The following PLCB1 variants were observed in gnomAD, a reference collection of about 807,000 sequenced individuals.
The protein encoded by PLCB1 is 1-phosphatidylinositol 4,5-bisphosphate phosphodiesterase beta-1.
Under a neutral mutation model 161.8 loss-of-function variants are expected in PLCB1, and 46 were observed. The ratio of observed to expected loss-of-function variants is 0.28; its 90% CI spans 0.22 to 0.36. The LOEUF is 0.36. Ranked by LOEUF, PLCB1 falls within the 10% of genes least tolerant of loss-of-function variation. The pLI, the probability that PLCB1 is intolerant of heterozygous loss-of-function variation, is 1.00. For missense variants in PLCB1, 1,016 were observed against 1,472.5 expected (o/e 0.69, Z 5.07); for synonymous variants, 517 against 503.7 (o/e 1.03, Z -0.35).
At chr20:8,547,952 T>G (rs1482682130) in intron 3 of PLCB1, among the ~76,000 whole-genome samples, 1 of 152,092 alleles carries the variant, frequency 6.6e-6, no homozygotes, top group African/African-American at 2.4e-5. Context: ...ATGCTTCTCT[T>G]CTCCCATCTC....
chr20:8,838,768 C>G (rs951733107), intron 31 of PLCB1, among the ~76,000 whole-genome samples: 4 of 152,080 alleles, frequency 2.6e-5, no homozygotes, highest in Non-Finnish European at 4.4e-5. Context: ...GTGCAGAAAA[C>G]TGGATGATGG....
intron 2 of PLCB1, among the ~76,000 whole-genome samples, chr20:8,334,168 C>A (rs1985476484): frequency 6.6e-6 from 1 of 151,502 alleles, no homozygotes; most frequent in Non-Finnish European, 1.5e-5. Context: ...GCGATCGCGC[C>A]ATTGCACTCC....
chr20:8,813,485 T>C (rs1321081536), intron 31 of PLCB1, among the ~76,000 whole-genome samples: 1 of 151,950 alleles, frequency 6.6e-6, no homozygotes. Context: ...GACCCAACCA[T>C]CATAATAAAA....
chr20:8,813,567 C>A (rs1239578607), intron 31 of PLCB1, among the ~76,000 whole-genome samples: 1 of 152,128 alleles, frequency 6.6e-6, no homozygotes, highest in Non-Finnish European at 1.5e-5. Flanking sequence ...CGGTGGCTCA[C>A]ACCTATAATC....
Position 8,724,743 on chromosome 20 carries a change from A to T in PLCB1, c.1669A>T (p.Ile557Phe), listed in dbSNP as rs780486430. 1 of 1,598,938 alleles carries T rather than the reference A, an allele frequency of 6.3e-7. No homozygotes were observed. Among genetic ancestry groups the T allele is most frequent in the South Asian group, 1.1e-5 (1 of 90,380 alleles). The change falls in exon 16 of 32, where the codon ATT becomes TTT. Residue 557 changes from isoleucine (I) to phenylalanine (F), a missense_variant. Physicochemically the swap from Ile to Phe is conservative, Grantham distance 21. Coordinates refer to ENST00000338037, the MANE Select transcript of PLCB1 (RefSeq NM_015192.4). ...IQPVKFESFEISKKRNKSFEM... is the reference protein window; with the variant it reads ...IQPVKFESFEFSKKRNKSFEM... The stretch of plus-strand genomic sequence containing the variant: ...GCCAGTCAAGTTTGAGTCATTTGAA[A>T]TTTCAAAAAGTAAGTTTTCCCTGGA...
intron 3 of PLCB1, among the ~76,000 whole-genome samples, chr20:8,400,131 A>AGG (rs1978484155): frequency 6.6e-6 from 1 of 152,208 alleles, no homozygotes; most frequent in Non-Finnish European, 1.5e-5. Flanking sequence ...GTGGTGGCAT[A>AGG]GGGAAGTACC....
At chr20:8,167,098 C>T (rs184394863) in intron 2 of PLCB1, among the ~76,000 whole-genome samples, 15 of 152,184 alleles carry the variant, frequency 9.9e-5, no homozygotes, top group East Asian at 1.9e-4. Flanking sequence ...TGTCTGATTT[C>T]GAGATATGGA....
At chr20:8,765,083 T>C (rs962171531) in intron 25 of PLCB1, 56 bp from the exon 26 acceptor site, 1 of 1,378,582 alleles carries the variant, frequency 7.3e-7, no homozygotes, top group Non-Finnish European at 1.0e-6. Flanking sequence ...CGCTCTTCTT[T>C]CCATCTGGAT....
chr20:8,498,248 C>T (rs892367206), intron 3 of PLCB1, among the ~76,000 whole-genome samples: 13 of 152,168 alleles, frequency 8.5e-5, no homozygotes, highest in Non-Finnish European at 1.8e-4. Flanking sequence ...CAGGCACGTG[C>T]CACCACGCCC....
rs554944732 is a variant in PLCB1, at chr20:8,884,201, C to T, written c.*2352C>T. ...TGCAGTTGTGGGGTAGTGTGTAACACTGTCCATCTTGCATCATTGAAACTA... is the reference window on the plus strand; with the variant it reads ...TGCAGTTGTGGGGTAGTGTGTAACATTGTCCATCTTGCATCATTGAAACTA... On this transcript the variant is annotated 3_prime_UTR_variant, in exon 32 of 32. Transcript: ENST00000338037. 2.6e-5 allele frequency: 4 copies of T among 152,694 alleles called. No homozygotes were observed. The South Asian group carries it at 8.3e-4, about 32-fold the overall frequency. 9.5% of individuals were successfully genotyped at this position (152,694 alleles called of 1,614,324 possible).
At chr20:8,741,076 A>G (rs1980855495) in intron 22 of PLCB1, among the ~76,000 whole-genome samples, 1 of 152,250 alleles carries the variant, frequency 6.6e-6, no homozygotes, top group African/African-American at 2.4e-5. Flanking sequence ...TTTGGGCCAA[A>G]TAGGACAATT....
chr20:8,298,311 G>A (rs113884868), intron 2 of PLCB1, among the ~76,000 whole-genome samples: 84 of 133,532 alleles, frequency 6.3e-4, no homozygotes, highest in African/African-American at 2.4e-3. Context: ...AAAAAAAAAA[G>A]ATGCAAGAAC....
chr20:8,158,145 A>C (rs1227002349), intron 2 of PLCB1, among the ~76,000 whole-genome samples: 1 of 152,262 alleles, frequency 6.6e-6, no homozygotes, highest in East Asian at 1.9e-4. Context: ...TGTGAAGGAA[A>C]TGCATTCTGC....
chr20:8,838,486 T>C (rs1364621157), intron 31 of PLCB1, among the ~76,000 whole-genome samples: 2 of 152,206 alleles, frequency 1.3e-5, no homozygotes, highest in East Asian at 1.9e-4. Context: ...TCTAAACTTA[T>C]CCCGTGGTTA....
At chr20:8,534,311 G>T (rs953731758) in intron 3 of PLCB1, among the ~76,000 whole-genome samples, 4 of 152,184 alleles carry the variant, frequency 2.6e-5, no homozygotes, top group Non-Finnish European at 5.9e-5. Flanking sequence ...CAAAGTGCTG[G>T]ACTTACAGGC....
chr20:8,841,941 T>C (rs1231756992), intron 31 of PLCB1, among the ~76,000 whole-genome samples: 1 of 152,250 alleles, frequency 6.6e-6, no homozygotes, highest in Non-Finnish European at 1.5e-5. Flanking sequence ...ATGTGTTCTC[T>C]GTTTGGGGAT....
At chr20:8,556,281 C>T (rs976461258) in intron 3 of PLCB1, among the ~76,000 whole-genome samples, 6 of 151,894 alleles carry the variant, frequency 4.0e-5, no homozygotes, top group African/African-American at 7.2e-5. Flanking sequence ...TACTTGCCTT[C>T]GTTTTACCTA....
intron 3 of PLCB1, among the ~76,000 whole-genome samples, chr20:8,376,744 C>T (rs1324966408): frequency 4.1e-4 from 63 of 151,968 alleles, no homozygotes; most frequent in Admixed American, 1.8e-3. Flanking sequence ...CTGGCTAACA[C>T]AGTGAAACCC....
At chr20:8,339,144 A>G (rs558785878) in intron 2 of PLCB1, among the ~76,000 whole-genome samples, 8 of 152,230 alleles carry the variant, frequency 5.3e-5, no homozygotes, top group African/African-American at 1.9e-4. Flanking sequence ...ATACATTTTC[A>G]TTTCTCTTGG....
Sources: gnomAD v4.1 joint callset for allele counts (sites outside exome capture counted in the v4.1 genomes callset) on GRCh38, gnomAD v4.1.1 for gene constraint, MANE v1.5 for transcripts, NCBI Gene and HGNC (gene_info 2026-07-23, HGNC 2026-07-21) for gene names.